The following ZNF75A variants were observed in gnomAD, a reference collection of about 807,000 sequenced individuals.
ZNF75A encodes the protein zinc finger protein 75A.
A neutral mutation model predicts 46.3 loss-of-function variants in ZNF75A; 36 were observed. The observed-to-expected ratio is 0.78, with a 90% confidence interval of 0.60 to 1.03. ZNF75A has a LOEUF of 1.03. Ranked by LOEUF, ZNF75A falls within the 50% of genes least tolerant of loss-of-function variation. The pLI is 0.00. For missense variants in ZNF75A, 595 were observed against 551.3 expected (o/e 1.08, Z -0.79); for synonymous variants, 234 against 189.9 (o/e 1.23, Z -1.91).
rs1960691746 is a variant in ZNF75A, at chr16:3,310,631, CA to C, written c.409-1118del. 4.1e-6 allele frequency: 4 copies of C among 977,286 alleles called. No individual in the cohort carries two copies. The African/African-American group carries it at 7.4e-5, about 18-fold the overall frequency. The allele number at this position is 977,286 out of a possible 1,614,324, so 60.5% of individuals were successfully genotyped here. On this transcript the variant is annotated intron_variant, in intron 2 of 6. Coordinates refer to ENST00000669516, the MANE Select transcript of ZNF75A (RefSeq NM_001302109.2). Reference sequence around the variant, plus strand: ...ACAGAGTGAGACCCCCGTCTCAAAACAAAACAAACAAACAAAAAAAACAACT... The same window carrying C: ...ACAGAGTGAGACCCCCGTCTCAAAACAAACAAACAAACAAAAAAAACAACT...
chr16:3,321,841 C>T (rs139261347), downstream of ZNF75A, among the ~76,000 whole-genome samples: 1,181 of 152,256 alleles, frequency 7.8e-3, 13 homozygotes, highest in African/African-American at 0.027. Context: ...ACTAAAACTC[C>T]TAGGGTTTCT....
rs1960470126 is a variant in ZNF75A, at chr16:3,308,657, C to T, written c.229C>T (p.Leu77=). The T allele has an allele frequency of 1.0e-6, 1 of 988,444 alleles. No individual in the cohort carries two copies. Among genetic ancestry groups the T allele is most frequent in the Admixed American group, 6.1e-5 (1 of 16,352 alleles). 61.2% of individuals were successfully genotyped at this position (988,444 alleles called of 1,614,324 possible). ...SKLQELCHLW[L]KPEIHSKEQI... ...ACTTCAAGAATTATGTCATCTATGG[C>T]TGAAGCCAGAGATCCACTCAAAAGA... Residue 77 remains leucine (L), a synonymous_variant, in exon 2 of 7, where the codon CTG becomes TTG. Transcript: ENST00000669516.
At chr16:3,313,566 C>G (rs375760010) in intron 5 of ZNF75A, among the ~76,000 whole-genome samples, 1 of 152,186 alleles carries the variant, frequency 6.6e-6, no homozygotes, top group Non-Finnish European at 1.5e-5. Flanking sequence ...TTGACATATC[C>G]TGACTGCAAC....
chr16:3,307,450 C>T (rs192660551), intron 1 of ZNF75A: 1 of 152,218 alleles, frequency 6.6e-6, no homozygotes, highest in East Asian at 1.9e-4. Flanking sequence ...TTGATCTCAC[C>T]GTCTCAGCTC....
rs1450251518 is a variant in ZNF75A, at chr16:3,308,550, G to C, written c.122G>C (p.Cys41Ser). The change falls in exon 2 of 7, where the codon TGT (cysteine) becomes TCT (serine). Residue 41 changes from cysteine (C) to serine (S), a missense_variant. Physicochemically the swap from Cys to Ser is moderately radical, Grantham distance 112. Transcript: ENST00000669516. ...AGTAAAAAATCTCCTCAAATGGACT[G>C]TCTCGATCCTAAGAGCTCTTGCTGG... ...GQSKKSPQMD[C>S]LDPKSSCWHF... is the part of the protein sequence containing the mutation. 6 of 985,912 alleles carry C rather than the reference G, an allele frequency of 6.1e-6. No individual in the cohort carries two copies. The highest frequency in any genetic ancestry group is 7.2e-6 in the Non-Finnish European group (6 of 829,960). 61.1% of individuals were successfully genotyped at this position (985,912 alleles called of 1,614,324 possible). A position where few individuals can be genotyped will look rare whatever the true frequency, so the allele number is the denominator to read the frequency against.
chr16:3,319,495 A>G (rs1031110401), downstream of ZNF75A, among the ~76,000 whole-genome samples: 1 of 151,928 alleles, frequency 6.6e-6, no homozygotes, highest in African/African-American at 2.4e-5. Context: ...TTAACTTAAG[A>G]CCTCCAGGAT....
At chr16:3,323,431 G>A, downstream of ZNF75A, 3 of 755,872 alleles carry the variant, frequency 4.0e-6, no homozygotes, top group Non-Finnish European at 2.4e-6. Flanking sequence ...CTGTCAGAGG[G>A]ATGGTGTTCT....
chr16:3,322,133 G>T (rs1405105873), downstream of ZNF75A, among the ~76,000 whole-genome samples: 1 of 152,080 alleles, frequency 6.6e-6, no homozygotes, highest in Non-Finnish European at 1.5e-5. Context: ...ATTCTCTGTG[G>T]ACTGAATTCT....
At chr16:3,321,539 C>T (rs2029946160), downstream of ZNF75A, among the ~76,000 whole-genome samples, 2 of 152,162 alleles carry the variant, frequency 1.3e-5, no homozygotes, top group Admixed American at 6.5e-5. Flanking sequence ...GGCTGGGGCT[C>T]ACCACAGCCT....
Position 3,308,581 on chromosome 16 carries a change from C to T in ZNF75A, c.153C>T (p.Phe51=). 4 of 985,938 alleles carry T rather than the reference C, an allele frequency of 4.1e-6. No homozygotes were observed. Among genetic ancestry groups the T allele is most frequent in the Non-Finnish European group, 4.8e-6 (4 of 830,002 alleles). 61.1% of individuals were successfully genotyped at this position (985,938 alleles called of 1,614,324 possible). A position where few individuals can be genotyped will look rare whatever the true frequency, so the allele number is the denominator to read the frequency against. The change falls in exon 2 of 7, where the codon TTC becomes TTT. Residue 51 remains phenylalanine (F), a synonymous_variant. Transcript: ENST00000669516. ...ATCCTAAGAGCTCTTGCTGGCACTT[C>T]CGGAATTTCACCTATGATGAAGCAG... The part of the protein sequence containing the change: ...CLDPKSSCWH[F]RNFTYDEAGG...
chr16:3,308,320 A>T lies in ZNF75A; in HGVS notation c.-109A>T. 1 of 785,450 alleles carries T rather than the reference A, an allele frequency of 1.3e-6. No homozygotes were observed. Among genetic ancestry groups the T allele is most frequent in the Non-Finnish European group, 1.5e-6 (1 of 647,178 alleles). The allele number at this position is 785,450 out of a possible 1,614,324, so 48.7% of individuals were successfully genotyped here. A position where few individuals can be genotyped will look rare whatever the true frequency, so the allele number is the denominator to read the frequency against. On this transcript the variant is annotated 5_prime_UTR_variant, in exon 2 of 7. Transcript: ENST00000669516. ...TCTTTTTCTTGTCCTCAGTGCTTTT[A>T]GGAAGAAGATCCTTTTATTGCTTTT... is the stretch of plus-strand genomic sequence containing the variant.
intron 2 of ZNF75A, among the ~76,000 whole-genome samples, chr16:3,310,071 G>T (rs959253823): frequency 1.1e-4 from 17 of 152,080 alleles, no homozygotes; most frequent in African/African-American, 3.6e-4. Context: ...TCTGGCCTGG[G>T]CAACAGAGTG....
At position 3,312,735 on chromosome 16, in the gene ZNF75A, A is replaced by G; in HGVS notation, c.663A>G (p.Thr221=). ...FPEQTNTKDW[T]VTPEHVLPES... is the part of the protein sequence containing the mutation. ...AGCAAACAAACACCAAAGACTGGACAGTGACACCTGAGCACGTCTTGCCTG... is the reference window on the plus strand; with the variant it reads ...AGCAAACAAACACCAAAGACTGGACGGTGACACCTGAGCACGTCTTGCCTG... Residue 221 remains threonine (T), a synonymous_variant, in exon 4 of 7, where the codon ACA becomes ACG. Coordinates refer to ENST00000669516, the MANE Select transcript of ZNF75A (RefSeq NM_001302109.2). 5.7e-6 allele frequency: 6 copies of G among 1,043,850 alleles called. No individual in the cohort carries two copies. The highest frequency in any genetic ancestry group is 6.9e-6 in the Non-Finnish European group (6 of 866,910). The allele number at this position is 1,043,850 out of a possible 1,614,324, so 64.7% of individuals were successfully genotyped here.
chr16:3,317,887 GTCC>G lies in ZNF75A; in HGVS notation c.*21_*23del, dbSNP rs772026118. 19 of 1,556,936 alleles carry G rather than the reference GTCC, an allele frequency of 1.2e-5. No individual in the cohort carries two copies. The highest frequency in any genetic ancestry group is 1.6e-5 in the Non-Finnish European group (18 of 1,152,378). On this transcript the variant is annotated 3_prime_UTR_variant, in exon 7 of 7. Coordinates refer to ENST00000669516, the MANE Select transcript of ZNF75A (RefSeq NM_001302109.2). Reference sequence around the variant, plus strand: ...ACCTGTGAAGAGAAGCTTGTCCAGTGTCCTCATTCTGAAGACATTCACCAAATG... The same window carrying G: ...ACCTGTGAAGAGAAGCTTGTCCAGTGTCATTCTGAAGACATTCACCAAATG...
In ZNF75A at chr16:3,318,051, C is replaced by T. The variant is rs1033568748; in HGVS notation, c.*182C>T. 3 of 1,391,342 alleles carry T rather than the reference C, an allele frequency of 2.2e-6. No individual in the cohort carries two copies. The African/African-American group carries it at 4.4e-5, about 20-fold the overall frequency. 86.2% of individuals were successfully genotyped at this position (1,391,342 alleles called of 1,614,324 possible). A position where few individuals can be genotyped will look rare whatever the true frequency, so the allele number is the denominator to read the frequency against. On this transcript the variant is annotated 3_prime_UTR_variant, in exon 7 of 7. Coordinates refer to ENST00000669516, the MANE Select transcript of ZNF75A (RefSeq NM_001302109.2). ...CAGCCACTCAGTAGTCTTCTGTGGT[C>T]ACAGAAGTAAACATTGTTGGCTTTG...
At position 3,317,990 on chromosome 16, in the gene ZNF75A, CAT is replaced by C; in HGVS notation, c.*123_*124del. ...ATTTTACATCAGAAAATGGGATAAA[CAT>C]ACATTTCACAGAAAATAATCAAGAC... On this transcript the variant is annotated 3_prime_UTR_variant, in exon 7 of 7. Transcript: ENST00000669516. The C allele has an allele frequency of 7.0e-7, 1 of 1,435,722 alleles. No homozygotes were observed. The highest frequency in any genetic ancestry group is 9.1e-7 in the Non-Finnish European group (1 of 1,101,356). 88.9% of individuals were successfully genotyped at this position (1,435,722 alleles called of 1,614,324 possible).
Position 3,308,528 on chromosome 16 carries a change from A to G in ZNF75A, c.100A>G (p.Lys34Glu), listed in dbSNP as rs1596388138. Residue 34 changes from lysine to glutamate, a missense_variant, in exon 2 of 7, where the codon AAA (lysine) becomes GAA (glutamate). Coordinates refer to ENST00000669516, the MANE Select transcript of ZNF75A (RefSeq NM_001302109.2). ...GPARESSGQS[K>E]KSPQMDCLDP... is the part of the protein sequence containing the mutation. Reference sequence around the variant, plus strand: ...TGCAAGAGAGAGCTCCGGTCAGAGTAAAAAATCTCCTCAAATGGACTGTCT... The same window carrying G: ...TGCAAGAGAGAGCTCCGGTCAGAGTGAAAAATCTCCTCAAATGGACTGTCT... 3.0e-6 allele frequency: 3 copies of G among 985,898 alleles called. No homozygotes were observed. The highest frequency in any genetic ancestry group is 3.5e-5 in the African/African-American group (2 of 57,370). 61.1% of individuals were successfully genotyped at this position (985,898 alleles called of 1,614,324 possible).
At position 3,318,472 on chromosome 16, in the gene ZNF75A, G is replaced by A. The variant is rs1191045310; in HGVS notation, c.*603G>A. 1 of 985,256 alleles carries A rather than the reference G, an allele frequency of 1.0e-6. No homozygotes were observed. The highest frequency in any genetic ancestry group is 1.7e-5 in the African/African-American group (1 of 57,202). The allele number at this position is 985,256 out of a possible 1,614,324, so 61.0% of individuals were successfully genotyped here. On this transcript the variant is annotated 3_prime_UTR_variant, in exon 7 of 7. Coordinates refer to ENST00000669516, the MANE Select transcript of ZNF75A (RefSeq NM_001302109.2). ...CATTGGTGATGTTTGGAAAATAGAA[G>A]ACATCTCTAATGGAATCATGGGGGA...
Position 3,317,482 on chromosome 16 carries a change from A to G in ZNF75A, c.1227A>G (p.Lys409=). The G allele has an allele frequency of 9.3e-6, 15 of 1,614,028 alleles. No homozygotes were observed. Among genetic ancestry groups the G allele is most frequent in the Non-Finnish European group, 1.3e-5 (15 of 1,179,970 alleles). ...EKPFKCQECG[K]TFRVSSDLIK... ...CTTTTAAATGTCAGGAATGTGGGAAAACCTTCAGAGTTAGCTCTGACCTTA... is the reference window on the plus strand; with the variant it reads ...CTTTTAAATGTCAGGAATGTGGGAAGACCTTCAGAGTTAGCTCTGACCTTA... The change falls in exon 7 of 7, where the codon AAA becomes AAG. Residue 409 remains lysine (K), a synonymous_variant. Transcript: ENST00000669516.
Sources: allele counts gnomAD v4.1 joint callset (sites outside exome capture counted in the v4.1 genomes callset), GRCh38; gene constraint gnomAD v4.1.1; transcripts MANE v1.5; gene names NCBI Gene and HGNC (gene_info 2026-07-23, HGNC 2026-07-21).